The following DOCK5 variants were observed in gnomAD, a reference collection of about 807,000 sequenced individuals.
DOCK5 encodes the protein dedicator of cytokinesis 5.
In DOCK5, 142 loss-of-function variants were observed where a neutral mutation model predicts 251.8. That is an observed-to-expected ratio of 0.56 (90% confidence interval 0.49 to 0.65). DOCK5 has a LOEUF of 0.65. Ranked by LOEUF, DOCK5 falls within the 30% of genes least tolerant of loss-of-function variation. The probability of loss-of-function intolerance (pLI) is 0.00; values close to 1 mark genes in which losing one functional copy is unlikely to be tolerated. For synonymous variants in DOCK5, 842 were observed against 835.5 expected, an observed-to-expected ratio of 1.01 and a Z score of -0.13; for missense variants, 2,111 against 2,312.3, an observed-to-expected ratio of 0.91 and a Z score of 1.79.
At chr8:25,269,572 A>T (rs1254742487) in intron 3 of DOCK5, among the ~76,000 whole-genome samples, 1 of 152,238 alleles carries the variant, frequency 6.6e-6, no homozygotes, top group Non-Finnish European at 1.5e-5. Context: ...TTTGAAAAAT[A>T]CTGACCTAAA....
chr8:25,205,822 G>T (rs980007842), intron 1 of DOCK5, among the ~76,000 whole-genome samples: 1 of 152,200 alleles, frequency 6.6e-6, no homozygotes, highest in South Asian at 2.1e-4. Context: ...AGGTATCTGA[G>T]TAGGAGGTAT....
chr8:25,392,529 T>C (rs1453493258), intron 43 of DOCK5, among the ~76,000 whole-genome samples: 1 of 152,132 alleles, frequency 6.6e-6, no homozygotes, highest in Non-Finnish European at 1.5e-5. Flanking sequence ...CTGCTTGTAA[T>C]GACCTTGGGC....
intron 1 of DOCK5, among the ~76,000 whole-genome samples, chr8:25,203,647 G>A (rs1159205119): frequency 6.6e-6 from 1 of 152,198 alleles, no homozygotes; most frequent in Admixed American, 6.5e-5. Flanking sequence ...CTGATACAAT[G>A]TGGTGGCATG....
At chr8:25,278,245 C>T (rs1191928970) in intron 4 of DOCK5, among the ~76,000 whole-genome samples, 1 of 152,150 alleles carries the variant, frequency 6.6e-6, no homozygotes, top group East Asian at 1.9e-4. Flanking sequence ...TAAAATGCTG[C>T]ATATTTTGCT....
intron 5 of DOCK5, among the ~76,000 whole-genome samples, chr8:25,281,025 G>T (rs1024267215): frequency 2.0e-4 from 30 of 150,382 alleles, no homozygotes; most frequent in African/African-American, 6.6e-4. Flanking sequence ...GAGTGAGGCC[G>T]ACTTTTTTTC....
chr8:25,210,056 GTGTGTGTGTGTGTATCTGTCTATTTATC>G lies in DOCK5; in HGVS notation c.43+25107_43+25134del, dbSNP rs1320738609. 7.7e-4 allele frequency among the ~76,000 whole-genome samples: 23 copies of G among 30,040 alleles called. 6 individuals carry two copies. The highest frequency in any genetic ancestry group is 1.5e-3 in the African/African-American group (16 of 10,612). 19.7% of individuals were successfully genotyped at this position (30,040 alleles called of 152,430 possible). On this transcript the variant is annotated intron_variant, in intron 1 of 51. Coordinates refer to ENST00000276440, the MANE Select transcript of DOCK5 (RefSeq NM_024940.8). The stretch of plus-strand genomic sequence containing the variant: ...TATAAATGTGTGTGTGTGTGTGTGT[GTGTGTGTGTGTGTATCTGTCTATTTATC>G]TATCTATCTATCTATCTATCTATCT...
chr8:25,266,080 C>G (rs1803739217), intron 2 of DOCK5, among the ~76,000 whole-genome samples: 1 of 151,880 alleles, frequency 6.6e-6, no homozygotes, highest in African/African-American at 2.4e-5. Context: ...GAGTGGCCCT[C>G]TGGACTCATT....
chr8:25,231,832 T>G (rs931678486), intron 1 of DOCK5, among the ~76,000 whole-genome samples: 1 of 152,226 alleles, frequency 6.6e-6, no homozygotes, highest in Non-Finnish European at 1.5e-5. Flanking sequence ...ATGATGGATT[T>G]TTTTTCTACT....
intron 1 of DOCK5, among the ~76,000 whole-genome samples, chr8:25,232,334 C>T (rs1282097202): frequency 2.1e-4 from 7 of 33,806 alleles, no homozygotes; most frequent in East Asian, 2.0e-3. Context: ...AGCTAGGAAA[C>T]GTATTCAAGG....
intron 21 of DOCK5, among the ~76,000 whole-genome samples, chr8:25,335,164 ATCT>A (rs1805773891): frequency 6.6e-6 from 1 of 152,172 alleles, no homozygotes; most frequent in Non-Finnish European, 1.5e-5. Flanking sequence ...TTGGTCCATG[ATCT>A]TCTTATGACA....
Position 25,210,093 on chromosome 8 carries a change from TATCTATC to T in DOCK5, c.43+25143_43+25149del, listed in dbSNP as rs1358592860. Among the ~76,000 whole-genome samples, 2 of 33,914 alleles carry T rather than the reference TATCTATC, an allele frequency of 5.9e-5. 1 individual carries two copies. Among genetic ancestry groups the T allele is most frequent in the East Asian group, 8.8e-4 (2 of 2,274 alleles). The allele number at this position is 33,914 out of a possible 152,430, so 22.2% of individuals were successfully genotyped here. A position where few individuals can be genotyped will look rare whatever the true frequency, so the allele number is the denominator to read the frequency against. Reference sequence around the variant, plus strand: ...GTATCTGTCTATTTATCTATCTATCTATCTATCTATCTATCTATCTATCTATCTATCT... The same window carrying T: ...GTATCTGTCTATTTATCTATCTATCTTATCTATCTATCTATCTATCTATCT... On this transcript the variant is annotated intron_variant, in intron 1 of 51. Transcript: ENST00000276440.
At chr8:25,393,002 G>A in intron 44 of DOCK5, 120 bp downstream of exon 44, 1 of 797,892 alleles carries the variant, frequency 1.3e-6, no homozygotes, top group Non-Finnish European at 2.0e-6. Context: ...GGCCAACTTT[G>A]TTTTTCAAAA....
intron 1 of DOCK5, among the ~76,000 whole-genome samples, chr8:25,227,095 T>G (rs1178376243): frequency 1.3e-5 from 2 of 152,244 alleles, no homozygotes; most frequent in Non-Finnish European, 2.9e-5. Context: ...ACCATTTTAT[T>G]GTGGTTGTTC....
chr8:25,205,409 C>A (rs1801979555), intron 1 of DOCK5, among the ~76,000 whole-genome samples: 1 of 152,206 alleles, frequency 6.6e-6, no homozygotes, highest in Admixed American at 6.5e-5. Flanking sequence ...GCCCCCAGAG[C>A]TGTTAGAAAA....
At chr8:25,273,139 G>C (rs1416876309) in intron 3 of DOCK5, among the ~76,000 whole-genome samples, 1 of 152,074 alleles carries the variant, frequency 6.6e-6, no homozygotes. Flanking sequence ...GGCCTCCTAG[G>C]GACAGGCCTA....
At position 25,389,194 on chromosome 8, in the gene DOCK5, C is replaced by T. The variant is rs530308273; in HGVS notation, c.4235C>T (p.Thr1412Met). The T allele has an allele frequency of 3.3e-5, 54 of 1,613,984 alleles. No individual in the cohort carries two copies. The highest frequency in any genetic ancestry group is 1.7e-4 in the Middle Eastern group (1 of 6,054). ...FPNAEKMTST[T>M]PPGEDIKSSP... ...AATGCGGAGAAGATGACCAGTACCA[C>T]GCCTCCTGGGGAAGACATCAAGTCG... is the stretch of plus-strand genomic sequence containing the variant. Residue 1412 changes from threonine to methionine, a missense_variant, in exon 41 of 52, where the codon ACG (threonine) becomes ATG (methionine). Physicochemically the swap from Thr to Met is moderately conservative, Grantham distance 81 (BLOSUM62 -1). Around this residue, in one of 3 missense-constraint regions of DOCK5, gnomAD observed 1,717 missense variants for 1,892.4 expected, o/e 0.91. Transcript: ENST00000276440.
chr8:25,379,444 G>C (rs34189765), intron 38 of DOCK5, among the ~76,000 whole-genome samples: 28,933 of 151,990 alleles, frequency 0.19, 3,212 homozygotes, highest in African/African-American at 0.3. Context: ...AAATGTGGCT[G>C]TTTTTGCCCG....
chr8:25,286,968 A>G lies in DOCK5; in HGVS notation c.322-5056A>G, dbSNP rs1441762666. Among the ~76,000 whole-genome samples the G allele has an allele frequency of 3.3e-5, 5 of 152,206 alleles. 1 individual carries two copies. Among genetic ancestry groups the G allele is most frequent in the African/African-American group, 7.2e-5 (3 of 41,460 alleles). ...AGTGCTAAGATTATAGGCATGAACC[A>G]TTCTACCCATCCCTGTGGTCTGCAT... is the stretch of plus-strand genomic sequence containing the variant. On this transcript the variant is annotated intron_variant, in intron 5 of 51. Coordinates refer to ENST00000276440, the MANE Select transcript of DOCK5 (RefSeq NM_024940.8).
Position 25,324,507 on chromosome 8 carries a change from G to A in DOCK5, c.1719+556G>A, listed in dbSNP as rs143488488. Among the ~76,000 whole-genome samples, 612 of 152,320 alleles carry A rather than the reference G, an allele frequency of 4.0e-3. 9 individuals carry two copies. Among genetic ancestry groups the A allele is most frequent in the African/African-American group, 0.014 (586 of 41,568 alleles). On this transcript the variant is annotated intron_variant, in intron 17 of 51. Coordinates refer to ENST00000276440, the MANE Select transcript of DOCK5 (RefSeq NM_024940.8). ...GATCTCATTTAGCCAACAATATCTG[G>A]GGATTTCCCCACAGTTGGCTGCTCT...
Sources: allele counts gnomAD v4.1 joint callset (sites outside exome capture counted in the v4.1 genomes callset), GRCh38; gene constraint gnomAD v4.1.1; regional missense constraint gnomAD v4.1.1; transcripts MANE v1.5; gene names NCBI Gene and HGNC (gene_info 2026-07-23, HGNC 2026-07-21).